FRMPD4: variants seen among roughly 807,000 people sequenced by gnomAD.
The protein encoded by FRMPD4 is FERM and PDZ domain containing 4.
Under a neutral mutation model 94.1 loss-of-function variants are expected in FRMPD4, and 22 were observed. That is an observed-to-expected ratio of 0.23 (90% CI 0.17 to 0.33). The LOEUF is 0.33. Among genes scored for constraint, FRMPD4 ranks in the 10% least tolerant of loss-of-function variants. The pLI is 1.00. For synonymous variants in FRMPD4, 631 were observed against 548.6 expected (o/e 1.15, Z -2.10); for missense variants, 1,111 against 1,339.9 (o/e 0.83, Z 2.67).
At chrX:11,880,092 G>C (rs1029593716) in intron 3 of FRMPD4, among the ~76,000 whole-genome samples, 1 of 111,958 alleles carries the variant, frequency 8.9e-6, no homozygotes, top group African/African-American at 3.2e-5. Context: ...GTTGATTAAA[G>C]AGCAGCTAGT....
Position 12,718,562 on chromosome X carries a change from C to T in FRMPD4, c.3736C>T (p.His1246Tyr). ...ESPLCPSLGK[H>Y]LIPDASGKGV... is the part of the protein sequence containing the mutation. ...GCCGCTCTGCCCCTCCCTGGGGAAG[C>T]ACTTGATTCCTGACGCTTCTGGGAA... The change falls in exon 16 of 17, where the codon CAC becomes TAC. Residue 1246 changes from histidine (H) to tyrosine (Y), a missense_variant. Around this residue, in one of 8 missense-constraint regions of FRMPD4, gnomAD observed 551 missense variants for 591.6 expected, o/e 0.93. Transcript: ENST00000675598. 1.7e-6 allele frequency: 2 copies of T among 1,205,895 alleles called. No individual in the cohort carries two copies. Among genetic ancestry groups the T allele is most frequent in the South Asian group, 3.5e-5 (2 of 56,829 alleles).
chrX:12,413,408 T>C (rs1008946578), intron 1 of FRMPD4, among the ~76,000 whole-genome samples: 2 of 112,198 alleles, frequency 1.8e-5, no homozygotes, highest in Non-Finnish European at 3.8e-5. Context: ...GGTCTCCTTC[T>C]AGGGAAATCC....
chrX:11,922,205 G>A (rs2054061132), intron 3 of FRMPD4, among the ~76,000 whole-genome samples: 1 of 111,818 alleles, frequency 8.9e-6, no homozygotes. Context: ...AGGAAGCATG[G>A]TGCTGGCATC....
chrX:12,667,562 T>A (rs2059792794), intron 4 of FRMPD4, among the ~76,000 whole-genome samples: 1 of 112,528 alleles, frequency 8.9e-6, no homozygotes, highest in African/African-American at 3.2e-5. Context: ...TATGCTGCTC[T>A]AAAAAACAGA....
Position 11,977,714 on chromosome X carries a change from G to A in FRMPD4, c.95+99696G>A, listed in dbSNP as rs765912136. ...AAAGGCAGGACAACTGGAAGCTGGG[G>A]TTGGGGGTTTGGGGGAGGGGCAGCT... On this transcript the variant is annotated intron_variant, in intron 3 of 18. Coordinates refer to the FRMPD4 transcript ENST00000640291. Among the ~76,000 whole-genome samples, 148 of 105,499 alleles carry A rather than the reference G, an allele frequency of 1.4e-3. 1 individual carries two copies. The highest frequency in any genetic ancestry group is 0.013 in the Admixed American group (132 of 9,853). 91.6% of individuals were successfully genotyped at this position (105,499 alleles called of 115,157 possible). A position where few individuals can be genotyped will look rare whatever the true frequency, so the allele number is the denominator to read the frequency against.
chrX:12,266,160 A>AAAAAAAAAAG (rs1569211566), intron 1 of FRMPD4, among the ~76,000 whole-genome samples: 1 of 103,779 alleles, frequency 9.6e-6, no homozygotes. Context: ...AAAAAAAAAA[A>AAAAAAAAAAG]AGAGAAAACA....
At chrX:12,371,646 T>G in intron 1 of FRMPD4, among the ~76,000 whole-genome samples, 1 of 111,792 alleles carries the variant, frequency 8.9e-6, no homozygotes, top group Non-Finnish European at 1.9e-5. Context: ...ATCTGCACAA[T>G]GGTAGTTTCT....
At position 12,502,838 on chromosome X, in the gene FRMPD4, G is replaced by A. The variant is rs369691159; in HGVS notation, c.158+4042G>A. Among the ~76,000 whole-genome samples, 9 of 112,218 alleles carry A rather than the reference G, an allele frequency of 8.0e-5. No homozygotes were observed. The East Asian group carries it at 2.0e-3, about 24-fold the overall frequency. ...TTAGATACAGATATAGACTATAGAT[G>A]AGTGACTATACAGTCACATTCACCC... On this transcript the variant is annotated intron_variant, in intron 2 of 16. Transcript: ENST00000675598.
intron 1 of FRMPD4, among the ~76,000 whole-genome samples, chrX:12,335,580 A>G (rs2055505500): frequency 9.0e-6 from 1 of 110,960 alleles, no homozygotes; most frequent in South Asian, 3.9e-4. Flanking sequence ...GCCTACTCCC[A>G]TTTTCCAGGG....
chrX:12,408,871 G>A (rs1268370435), intron 1 of FRMPD4, among the ~76,000 whole-genome samples: 1 of 111,530 alleles, frequency 9.0e-6, no homozygotes, highest in East Asian at 2.8e-4. Flanking sequence ...TCTTCAGGAG[G>A]ATAATGACAT....
intron 1 of FRMPD4, among the ~76,000 whole-genome samples, chrX:12,277,958 T>G (rs1464450676): frequency 4.5e-5 from 5 of 112,210 alleles, no homozygotes; most frequent in African/African-American, 1.6e-4. Flanking sequence ...ATTTCATGTT[T>G]TAGTTGCCCT....
At chrX:12,110,617 A>T (rs1363662044) in intron 3 of FRMPD4, among the ~76,000 whole-genome samples, 1 of 111,398 alleles carries the variant, frequency 9.0e-6, no homozygotes, top group Non-Finnish European at 1.9e-5. Context: ...TTAGGAAAAG[A>T]GGAAGCCAAA....
intron 3 of FRMPD4, among the ~76,000 whole-genome samples, chrX:12,043,453 G>A (rs950229620): frequency 2.7e-5 from 3 of 111,191 alleles, no homozygotes; most frequent in African/African-American, 9.8e-5. Flanking sequence ...TCTCTTATGA[G>A]GTTTGCTCTA....
intron 2 of FRMPD4, among the ~76,000 whole-genome samples, chrX:12,587,524 G>A (rs1030536664): frequency 1.8e-5 from 2 of 111,299 alleles, no homozygotes; most frequent in Admixed American, 1.9e-4. Flanking sequence ...ATGGAATCCT[G>A]TAAGATGTAG....
At chrX:12,309,690 G>C (rs143918566) in intron 1 of FRMPD4, among the ~76,000 whole-genome samples, 1 of 112,281 alleles carries the variant, frequency 8.9e-6, no homozygotes, top group Non-Finnish European at 1.9e-5. Context: ...AATGGAACAC[G>C]CAGATACTAT....
At chrX:12,360,933 T>G (rs1163182420) in intron 1 of FRMPD4, among the ~76,000 whole-genome samples, 1 of 103,780 alleles carries the variant, frequency 9.6e-6, no homozygotes, top group East Asian at 3.0e-4. Context: ...GGCTTTTTTT[T>G]GCTAAAATCT....
intron 1 of FRMPD4, among the ~76,000 whole-genome samples, chrX:12,199,720 G>A (rs2056610412): frequency 8.9e-6 from 1 of 111,882 alleles, no homozygotes; most frequent in Non-Finnish European, 1.9e-5. Flanking sequence ...ATCAAGACAA[G>A]GGAATTGCAA....
chrX:12,028,649 TCCC>T (rs2054674667), intron 3 of FRMPD4, among the ~76,000 whole-genome samples: 1 of 110,262 alleles, frequency 9.1e-6, no homozygotes, highest in African/African-American at 3.3e-5. Flanking sequence ...ATCTCTTATT[TCCC>T]CCCAACTCCT....
chrX:12,036,082 C>A (rs2054718978), intron 3 of FRMPD4, among the ~76,000 whole-genome samples: 1 of 111,657 alleles, frequency 9.0e-6, no homozygotes, highest in South Asian at 3.8e-4. Context: ...GATAATAGAT[C>A]CCTTTACCAT....
Sources: gnomAD v4.1 joint callset for allele counts (sites outside exome capture counted in the v4.1 genomes callset) on GRCh38, gnomAD v4.1.1 for gene constraint, gnomAD v4.1.1 regional missense constraint, MANE v1.5 for transcripts, NCBI Gene and HGNC (gene_info 2026-07-23, HGNC 2026-07-21) for gene names.